DIXDC1: variants seen among roughly 807,000 people sequenced by gnomAD.
DIXDC1 encodes the protein DIX domain containing 1, also known as dixin.
DIXDC1 carries 64 observed loss-of-function variants against 103.1 expected under a neutral mutation model. The ratio of observed to expected loss-of-function variants is 0.62; its 90% confidence interval spans 0.51 to 0.76. The LOEUF (loss-of-function observed/expected upper bound fraction) is 0.76, where lower values mean the gene tolerates loss of function less well. DIXDC1 is among the 30% of genes least tolerant of loss of function. The pLI, the probability that DIXDC1 is intolerant of heterozygous loss-of-function variation, is 0.00. For synonymous variants in DIXDC1, 266 were observed against 298.5 expected (o/e 0.89, Z 1.12); for missense variants, 759 against 834.2 (o/e 0.91, Z 1.11).
chr11:111,993,722 GAA>G lies in DIXDC1; in HGVS notation c.1422_1423del (p.Glu476GlyfsTer3). ...AAGATGTCCTCTTGGCTCACTGTAT[GAA>G]AAGAGAGGCAGATGAGGTAACCTAG... is the stretch of plus-strand genomic sequence containing the variant. ...HKDVLLAHCM[K>X]READEATNYN... On this transcript the variant is annotated frameshift_variant, in exon 14 of 20. Coordinates refer to ENST00000440460, the MANE Select transcript of DIXDC1 (RefSeq NM_001037954.4). LOFTEE classifies it high-confidence loss of function. 1 of 1,614,036 alleles carries G rather than the reference GAA, an allele frequency of 6.2e-7. No homozygotes were observed. Among genetic ancestry groups the G allele is most frequent in the Non-Finnish European group, 8.5e-7 (1 of 1,179,894 alleles).
At position 111,958,491 on chromosome 11, in the gene DIXDC1, A is replaced by C. The variant is rs1196220380; in HGVS notation, c.61-6058A>C. Among the ~76,000 whole-genome samples the C allele has an allele frequency of 6.6e-6, 1 of 152,198 alleles. No homozygotes were observed. The highest frequency in any genetic ancestry group is 1.9e-4 in the East Asian group (1 of 5,182). The stretch of plus-strand genomic sequence containing the variant: ...TGGGTGTGCACAGGGTTGGGGCAGC[A>C]CTGATATGCCAGCCCCCTGCTGCCT... On this transcript the variant is annotated intron_variant, in intron 1 of 19. Coordinates refer to ENST00000440460, the MANE Select transcript of DIXDC1 (RefSeq NM_001037954.4). The surrounding 1 kb of genome is among the most constrained non-coding windows in gnomAD (Gnocchi z 4.2).
chr11:112,018,843 T>C lies in DIXDC1; in HGVS notation c.1972-113T>C, dbSNP rs587625122. The C allele has an allele frequency of 4.9e-4, 410 of 840,090 alleles. No individual in the cohort carries two copies. The African/African-American group carries it at 6.5e-3, about 13-fold the overall frequency. 52.0% of individuals were successfully genotyped at this position (840,090 alleles called of 1,614,324 possible). The stretch of plus-strand genomic sequence containing the variant: ...GGGACAAGACCAAAAGGACATAGAC[T>C]CTTAACTCAAGGCTTTCTTCTACAT... On this transcript the variant is annotated intron_variant, in intron 19 of 19. Transcript: ENST00000440460.
intron 17 of DIXDC1, among the ~76,000 whole-genome samples, chr11:112,005,531 A>G (rs1299746230): frequency 6.6e-6 from 1 of 152,110 alleles, no homozygotes; most frequent in African/African-American, 2.4e-5. Context: ...CCCTGACTCA[A>G]CAAAAAAATA....
intron 17 of DIXDC1, among the ~76,000 whole-genome samples, chr11:112,005,514 G>C (rs1861207089): frequency 6.6e-6 from 1 of 152,022 alleles, no homozygotes; most frequent in Non-Finnish European, 1.5e-5. Flanking sequence ...TGGGCAACAT[G>C]GTGAGACCCT....
rs1334218750 is a variant in DIXDC1, at chr11:112,017,654, G to A, written c.1863-123G>A. ...TTTAGTCATCTGGGTTATCGGGGCAGTGACCTAACAAGGGGCTATTTCTGC... is the reference window on the plus strand; with the variant it reads ...TTTAGTCATCTGGGTTATCGGGGCAATGACCTAACAAGGGGCTATTTCTGC... On this transcript the variant is annotated intron_variant, in intron 18 of 19. Transcript: ENST00000440460. This position sits in a 1 kb window ranked among gnomAD's most constrained non-coding sequence, Gnocchi z 4.0. 1 of 687,966 alleles carries A rather than the reference G, an allele frequency of 1.5e-6. No individual in the cohort carries two copies. The highest frequency in any genetic ancestry group is 2.5e-6 in the Non-Finnish European group (1 of 403,186). 42.6% of individuals were successfully genotyped at this position (687,966 alleles called of 1,614,324 possible). A position where few individuals can be genotyped will look rare whatever the true frequency, so the allele number is the denominator to read the frequency against.
At chr11:111,964,468 C>T in intron 1 of DIXDC1, 81 bp from the exon 2 acceptor site, 1 of 1,513,376 alleles carries the variant, frequency 6.6e-7, no homozygotes, top group Non-Finnish European at 8.9e-7. Flanking sequence ...ACCCCAGTCA[C>T]AAACGCTTCC....
At chr11:112,002,122 G>A (rs587756326) in intron 17 of DIXDC1, among the ~76,000 whole-genome samples, 7 of 152,114 alleles carry the variant, frequency 4.6e-5, no homozygotes, top group East Asian at 1.9e-4. Context: ...CCACAGACAC[G>A]AGGAATTTGC....
intron 2 of DIXDC1, among the ~76,000 whole-genome samples, chr11:111,966,297 A>G (rs1592573435): frequency 7.6e-6 from 1 of 130,732 alleles, no homozygotes; most frequent in African/African-American, 3.0e-5. Flanking sequence ...ATCTCGGCTC[A>G]CTGCAGCCTC....
chr11:111,980,216 C>T (rs587708397), intron 5 of DIXDC1, among the ~76,000 whole-genome samples: 8 of 152,306 alleles, frequency 5.3e-5, no homozygotes, highest in South Asian at 4.1e-4. Flanking sequence ...TGAACCACCC[C>T]CACCCTGTAC....
At chr11:111,995,302 G>C in intron 15 of DIXDC1, 101 bp from the exon 16 acceptor site, 1 of 1,501,816 alleles carries the variant, frequency 6.7e-7, no homozygotes. Flanking sequence ...TGCTTCTGTG[G>C]GGGAAAAATC....
rs978374245 is a variant in DIXDC1, at chr11:112,021,042, T to C, written c.*2006T>C. ...CCAAAATTCATTATTGTATTTCCAA[T>C]ACAGTTTGTCTTGAATGTCTGTCTC... On this transcript the variant is annotated 3_prime_UTR_variant, in exon 20 of 20. Coordinates refer to ENST00000440460, the MANE Select transcript of DIXDC1 (RefSeq NM_001037954.4). 1.3e-5 allele frequency: 2 copies of C among 152,248 alleles called. No individual in the cohort carries two copies. Among genetic ancestry groups the C allele is most frequent in the Admixed American group, 6.5e-5 (1 of 15,284 alleles). 9.4% of individuals were successfully genotyped at this position (152,248 alleles called of 1,614,324 possible).
At chr11:111,986,448 T>A (rs1860494556) in intron 8 of DIXDC1, among the ~76,000 whole-genome samples, 1 of 146,184 alleles carries the variant, frequency 6.8e-6, no homozygotes, top group African/African-American at 2.5e-5. Context: ...CACTGCAACC[T>A]CTGCCTCCCG....
Position 111,977,197 on chromosome 11 carries a change from C to A in DIXDC1, c.656+2214C>A. 3.2e-6 allele frequency: 3 copies of A among 945,290 alleles called. No homozygotes were observed. The highest frequency in any genetic ancestry group is 3.8e-6 in the Non-Finnish European group (3 of 792,762). The allele number at this position is 945,290 out of a possible 1,614,324, so 58.6% of individuals were successfully genotyped here. A position where few individuals can be genotyped will look rare whatever the true frequency, so the allele number is the denominator to read the frequency against. On this transcript the variant is annotated intron_variant, in intron 5 of 19. Coordinates refer to ENST00000440460, the MANE Select transcript of DIXDC1 (RefSeq NM_001037954.4). The surrounding 1 kb of genome is among the most constrained non-coding windows in gnomAD (Gnocchi z 6.1). ...CAGCCCCGCCCCTGGCCCGCACCCT[C>A]AACCTCCGTCCAGAGCGGTCGGTTG...
Position 111,982,453 on chromosome 11 carries a change from T to C in DIXDC1, c.884T>C (p.Met295Thr), listed in dbSNP as rs782129786. The C allele has an allele frequency of 1.2e-6, 2 of 1,613,344 alleles. No homozygotes were observed. The highest frequency in any genetic ancestry group is 1.7e-6 in the Non-Finnish European group (2 of 1,179,700). ...LEQQEYLEKEMEEAKKMISGL... is the reference protein window; with the variant it reads ...LEQQEYLEKETEEAKKMISGL... ...CAACAAGAATATTTAGAAAAAGAAA[T>C]GGAGGAAGCAAAGAAAATGATATCA... Residue 295 changes from methionine (M) to threonine (T), a missense_variant, in exon 7 of 20, where the codon ATG becomes ACG. By Grantham distance (81) the Met-to-Thr change is moderately conservative. This residue lies in a region of DIXDC1 where 657 missense variants were observed against 727.5 expected (regional missense o/e 0.90). Coordinates refer to ENST00000440460, the MANE Select transcript of DIXDC1 (RefSeq NM_001037954.4).
At chr11:111,929,179 C>T (rs1236581108) in intron 1 of DIXDC1, among the ~76,000 whole-genome samples, 2 of 151,702 alleles carry the variant, frequency 1.3e-5, no homozygotes, top group Non-Finnish European at 2.9e-5. Flanking sequence ...ATTCTGTCCC[C>T]CCAACAAAAA....
At chr11:111,938,014 C>T (rs782011225) in intron 1 of DIXDC1, among the ~76,000 whole-genome samples, 31 of 152,276 alleles carry the variant, frequency 2.0e-4, no homozygotes, top group Non-Finnish European at 3.8e-4. Context: ...TGTAGATGGT[C>T]CATGTGAAGT....
chr11:111,974,301 C>G, intron 4 of DIXDC1, 47 bp downstream of exon 4: 11 of 1,538,376 alleles, frequency 7.2e-6, no homozygotes, highest in Non-Finnish European at 9.7e-6. Context: ...CTCTCTGATA[C>G]TTCTTCTGTT....
Position 111,995,551 on chromosome 11 carries a change from A to G in DIXDC1, c.1676A>G (p.Lys559Arg), listed in dbSNP as rs1344103309. 6.2e-7 allele frequency: 1 copy of G among 1,613,880 alleles called. No individual in the cohort carries two copies. Among genetic ancestry groups the G allele is most frequent in the East Asian group, 2.2e-5 (1 of 44,898 alleles). ...CTGCATGTTATGGAGACGCAGAAGA[A>G]ACAAGAAAGAAAGGTAACCCTCTTG... ...ERLHVMETQK[K>R]QERKVRVKSP... The change falls in exon 16 of 20, where the codon AAA (lysine) becomes AGA (arginine). Residue 559 changes from lysine to arginine, a missense_variant. This residue lies in a region of DIXDC1 where 657 missense variants were observed against 727.5 expected (regional missense o/e 0.90). Coordinates refer to ENST00000440460, the MANE Select transcript of DIXDC1 (RefSeq NM_001037954.4).
intron 5 of DIXDC1, chr11:111,975,733 G>T: frequency 2.0e-6 from 2 of 985,284 alleles, no homozygotes; most frequent in Non-Finnish European, 2.4e-6. Flanking sequence ...TGTGTAATCT[G>T]CTCTATTTAG....
Sources: gnomAD v4.1 joint callset for allele counts (sites outside exome capture counted in the v4.1 genomes callset) on GRCh38, gnomAD v4.1.1 for gene constraint, gnomAD v4.1.1 regional missense constraint, Gnocchi (gnomAD v3.1) non-coding constraint, MANE v1.5 for transcripts, NCBI Gene and HGNC (gene_info 2026-07-23, HGNC 2026-07-21) for gene names.